FOLH1: variants seen among roughly 807,000 people sequenced by gnomAD.
FOLH1 encodes folate hydrolase 1.
Under a neutral mutation model 93.9 loss-of-function variants are expected in FOLH1, and 54 were observed. The ratio of observed to expected loss-of-function variants is 0.57; its 90% confidence interval spans 0.46 to 0.72. FOLH1 has a LOEUF of 0.72. Among genes scored for constraint, FOLH1 ranks in the 30% least tolerant of loss-of-function variants. The probability of loss-of-function intolerance (pLI) is 0.00; values close to 1 mark genes in which losing one functional copy is unlikely to be tolerated. For synonymous variants in FOLH1, 249 were observed against 303.6 expected (o/e 0.82, Z 1.87); for missense variants, 571 against 892.5 (o/e 0.64, Z 4.59).
intron 3 of FOLH1, among the ~76,000 whole-genome samples, chr11:49,194,644 A>G (rs562049047): frequency 4.2e-4 from 64 of 152,216 alleles, no homozygotes; most frequent in African/African-American, 1.5e-3. Flanking sequence ...TCAGAATTAT[A>G]AAAAATGAAA....
chr11:49,173,280 T>A, intron 10 of FOLH1, 77 bp downstream of exon 10: 1 of 1,435,254 alleles, frequency 7.0e-7, no homozygotes, highest in Non-Finnish European at 9.3e-7. Flanking sequence ...TGAGGTAGTA[T>A]TTTTATACTC....
intron 3 of FOLH1, among the ~76,000 whole-genome samples, chr11:49,198,053 A>G (rs936421805): frequency 4.6e-5 from 7 of 152,264 alleles, no homozygotes; most frequent in South Asian, 4.1e-4. Context: ...TGAAACTTTT[A>G]CATGATTCAT....
At chr11:49,196,147 C>T (rs753621717) in intron 3 of FOLH1, among the ~76,000 whole-genome samples, 2 of 151,906 alleles carry the variant, frequency 1.3e-5, no homozygotes, top group Admixed American at 6.6e-5. Flanking sequence ...GAGTAAGACT[C>T]GGTCAAAAAC....
rs192122505 is a variant in FOLH1, at chr11:49,151,765, A to G, written c.1970+2081T>C. Among the ~76,000 whole-genome samples, 105 of 152,294 alleles carry G rather than the reference A, an allele frequency of 6.9e-4. 1 individual carries two copies. Among genetic ancestry groups the G allele is most frequent in the Admixed American group, 4.6e-4 (7 of 15,286 alleles). On this transcript the variant is annotated intron_variant, in intron 17 of 18. Transcript: ENST00000256999. Reference sequence around the variant, plus strand: ...CAATAAGTGTCCTAAACAAACCACAATTCAAACCATGAGACATTTTGTCAG... The same window carrying G: ...CAATAAGTGTCCTAAACAAACCACAGTTCAAACCATGAGACATTTTGTCAG...
rs191931118 is a variant in FOLH1, at chr11:49,174,535, G to T, written c.1105+357C>A. On this transcript the variant is annotated intron_variant, in intron 9 of 18. Transcript: ENST00000256999. ...GTGATATTTTATATAGATGTTTATA[G>T]TTATCATGAAGATATTTATGCAAAA... Among the ~76,000 whole-genome samples the T allele has an allele frequency of 1.1e-3, 173 of 152,102 alleles. 6 individuals are homozygous for T. The highest frequency in any genetic ancestry group is 0.011 in the Admixed American group (171 of 15,272).
At chr11:49,201,708 A>G (rs1863277177) in intron 2 of FOLH1, among the ~76,000 whole-genome samples, 1 of 152,202 alleles carries the variant, frequency 6.6e-6, no homozygotes. Flanking sequence ...GGGAAAACAG[A>G]AAAACAGCCA....
chr11:49,159,743 T>A (rs565996897), intron 13 of FOLH1, among the ~76,000 whole-genome samples: 1 of 152,308 alleles, frequency 6.6e-6, no homozygotes, highest in African/African-American at 2.4e-5. Flanking sequence ...AATTAAGCTG[T>A]GAATCCATTT....
At chr11:49,173,666 A>C (rs548720504) in intron 9 of FOLH1, among the ~76,000 whole-genome samples, 190 bp from the exon 10 acceptor site, 17 of 152,248 alleles carry the variant, frequency 1.1e-4, no homozygotes, top group East Asian at 7.7e-4. Flanking sequence ...AGAAAGCATA[A>C]ATGTGATAAA....
chr11:49,191,760 C>T (rs1424682641), intron 4 of FOLH1, among the ~76,000 whole-genome samples: 1 of 152,180 alleles, frequency 6.6e-6, no homozygotes, highest in Admixed American at 6.5e-5. Flanking sequence ...TGCAGTGGCA[C>T]AATCTCAGCT....
rs1013292801 is a variant in FOLH1, at chr11:49,145,752, A to G, written c.*1004T>C. 1.3e-5 allele frequency among the ~76,000 whole-genome samples: 2 copies of G among 152,112 alleles called. No homozygotes were observed. Among genetic ancestry groups the G allele is most frequent in the African/African-American group, 4.8e-5 (2 of 41,436 alleles). On this transcript the variant is annotated 3_prime_UTR_variant, in exon 19 of 19. Coordinates refer to ENST00000256999, the MANE Select transcript of FOLH1 (RefSeq NM_004476.3). ...ACTTCTCTTTACATATTACTAGACA[A>G]TATTTCATTGTTCCAATGCTGTAAC...
intron 3 of FOLH1, among the ~76,000 whole-genome samples, chr11:49,194,135 A>G (rs1862375174): frequency 6.7e-6 from 1 of 149,982 alleles, no homozygotes; most frequent in African/African-American, 2.4e-5. Flanking sequence ...TGGGTGACAA[A>G]AAAAAAAAAA....
intron 13 of FOLH1, among the ~76,000 whole-genome samples, chr11:49,161,025 C>T (rs566101351): frequency 1.3e-5 from 2 of 152,074 alleles, no homozygotes; most frequent in South Asian, 2.1e-4. Context: ...TTTGCTTTTG[C>T]TGAGGAGTGT....
chr11:49,147,024 G>A (rs576358797), intron 18 of FOLH1, 79 bp from the exon 19 acceptor site: 2 of 1,475,402 alleles, frequency 1.4e-6, no homozygotes, highest in Non-Finnish European at 1.8e-6. Flanking sequence ...TGCAATTCCT[G>A]GATTGCATAT....
intron 17 of FOLH1, among the ~76,000 whole-genome samples, chr11:49,151,139 CAAAAG>C (rs1856470125): frequency 6.6e-6 from 1 of 151,990 alleles, no homozygotes; most frequent in African/African-American, 2.4e-5. Flanking sequence ...ACCTTGCCGA[CAAAAG>C]GAAAATAGGA....
At chr11:49,189,902 A>G (rs1861836126) in intron 4 of FOLH1, among the ~76,000 whole-genome samples, 1 of 152,178 alleles carries the variant, frequency 6.6e-6, no homozygotes, top group Non-Finnish European at 1.5e-5. Context: ...AAAATGAGGA[A>G]AGTCTAATTG....
intron 2 of FOLH1, among the ~76,000 whole-genome samples, chr11:49,202,755 T>C (rs1863419702): frequency 6.6e-6 from 1 of 152,200 alleles, no homozygotes; most frequent in African/African-American, 2.4e-5. Context: ...GACGAAGGTA[T>C]TTAGTAAAAG....
At chr11:49,179,179 C>A (rs564273648) in intron 7 of FOLH1, among the ~76,000 whole-genome samples, 32 of 152,268 alleles carry the variant, frequency 2.1e-4, no homozygotes, top group African/African-American at 7.0e-4. Context: ...GGGCGAAGAG[C>A]CTTCCAGGCA....
At chr11:49,179,881 A>C (rs1860520379) in intron 7 of FOLH1, among the ~76,000 whole-genome samples, 1 of 152,222 alleles carries the variant, frequency 6.6e-6, no homozygotes, top group South Asian at 2.1e-4. Flanking sequence ...AGAATACAAG[A>C]TAGGACATTA....
At chr11:49,187,786 T>C (rs144383798) in intron 4 of FOLH1, among the ~76,000 whole-genome samples, 1,987 of 152,330 alleles carry the variant, frequency 0.013, 45 homozygotes, top group African/African-American at 0.045. Context: ...CCTTCAAGGA[T>C]TGCCTCAGCT....
Sources: allele counts gnomAD v4.1 joint callset (sites outside exome capture counted in the v4.1 genomes callset), GRCh38; gene constraint gnomAD v4.1.1; transcripts MANE v1.5; gene names NCBI Gene and HGNC (gene_info 2026-07-23, HGNC 2026-07-21).